The following CLCN7 variants were observed in gnomAD, a reference collection of about 807,000 sequenced individuals.
CLCN7 encodes Cl-/H+ antiporter 7.
CLCN7 carries 60 observed loss-of-function variants against 102.1 expected under a neutral mutation model. The ratio of observed to expected loss-of-function variants is 0.59; its 90% CI spans 0.48 to 0.73. CLCN7 has a LOEUF of 0.73. CLCN7 is among the 30% of genes least tolerant of loss of function. The pLI is 0.00. For synonymous variants in CLCN7, 560 were observed against 490.5 expected, an observed-to-expected ratio of 1.14 and a Z score of -1.87; for missense variants, 962 against 1,125.7, an observed-to-expected ratio of 0.85 and a Z score of 2.08.
chr16:1,462,034 G>A lies in CLCN7; in HGVS notation c.214-360C>T, dbSNP rs1481826034. Among the ~76,000 whole-genome samples the A allele has an allele frequency of 2.6e-5, 4 of 151,550 alleles. No homozygotes were observed. In the South Asian group the frequency reaches 6.3e-4, roughly 24 times the overall value. On this transcript the variant is annotated intron_variant, in intron 2 of 24. Coordinates refer to ENST00000382745, the MANE Select transcript of CLCN7 (RefSeq NM_001287.6). ...CGGGATGCAGAGGTTGCAGTGAGCC[G>A]AGATTGCGCCGTTGCACTCCAGCCT...
chr16:1,465,249 G>T lies in CLCN7; in HGVS notation c.213+18C>A, dbSNP rs760518241. 6.2e-7 allele frequency: 1 copy of T among 1,611,072 alleles called. No individual in the cohort carries two copies. Among genetic ancestry groups the T allele is most frequent in the Non-Finnish European group, 8.5e-7 (1 of 1,178,026 alleles). On this transcript the variant is annotated intron_variant, in intron 2 of 24. Coordinates refer to ENST00000382745, the MANE Select transcript of CLCN7 (RefSeq NM_001287.6). ...TGCAGCTAGCTCTGCGGGAGGACGGGGAACACCCCCAACTCACCGGGTCCA... is the reference window on the plus strand; with the variant it reads ...TGCAGCTAGCTCTGCGGGAGGACGGTGAACACCCCCAACTCACCGGGTCCA...
intron 15 of CLCN7, 119 bp from the exon 16 acceptor site, chr16:1,451,835 A>C (rs957902760): frequency 1.9e-5 from 15 of 784,828 alleles, no homozygotes; most frequent in Non-Finnish European, 2.2e-6. Flanking sequence ...TCAGGCGCGA[A>C]ACCACACGAT....
chr16:1,447,502 C>T lies in CLCN7; in HGVS notation c.2140G>A (p.Ala714Thr), dbSNP rs767382071. ...TGGATGGGTGGGAAGCGCGGGTAGG[C>T]GTCTCGGAAGTCCTTCAGCCTCAGG... ...RRLRLKDFRD[A>T]YPRFPPIQSI... Residue 714 changes from alanine (A) to threonine (T), a missense_variant, in exon 23 of 25, where the codon GCC becomes ACC. Coordinates refer to ENST00000382745, the MANE Select transcript of CLCN7 (RefSeq NM_001287.6). The T allele has an allele frequency of 1.0e-5, 16 of 1,554,088 alleles. No homozygotes were observed. The highest frequency in any genetic ancestry group is 1.9e-5 in the Admixed American group (1 of 51,700).
intron 10 of CLCN7, 120 bp from the exon 11 acceptor site, chr16:1,455,915 GC>G: frequency 8.4e-7 from 1 of 1,186,434 alleles, no homozygotes; most frequent in East Asian, 2.4e-5. Flanking sequence ...AATGGGGTGG[GC>G]CCCAGCCACA....
intron 4 of CLCN7, among the ~76,000 whole-genome samples, 169 bp from the exon 5 acceptor site, chr16:1,461,117 C>T (rs563186765): frequency 5.9e-5 from 9 of 152,326 alleles, no homozygotes; most frequent in South Asian, 2.1e-4. Flanking sequence ...GAGGCGCACC[C>T]GGGGCCCGAG....
intron 15 of CLCN7, chr16:1,452,249 G>C (rs2038763287): frequency 4.3e-6 from 1 of 234,492 alleles, no homozygotes; most frequent in South Asian, 6.1e-5. Context: ...GGCACCCACT[G>C]GTCTGCTGGG....
At chr16:1,464,218 T>C (rs1294666987) in intron 2 of CLCN7, among the ~76,000 whole-genome samples, 1 of 152,198 alleles carries the variant, frequency 6.6e-6, no homozygotes, top group Non-Finnish European at 1.5e-5. Context: ...AGCTCAATTA[T>C]AAAGACAACA....
intron 24 of CLCN7, 90 bp from the exon 25 acceptor site, chr16:1,446,807 A>G: frequency 4.0e-6 from 5 of 1,265,510 alleles, no homozygotes; most frequent in Non-Finnish European, 5.6e-6. Context: ...GGGGCAGCAC[A>G]GGCAGGGGGC....
At chr16:1,458,540 G>A (rs2038875382) in intron 7 of CLCN7, among the ~76,000 whole-genome samples, 1 of 152,190 alleles carries the variant, frequency 6.6e-6, no homozygotes, top group Non-Finnish European at 1.5e-5. Flanking sequence ...CCGCTCCTTG[G>A]CCACGGGGAC....
At chr16:1,452,440 T>G in intron 15 of CLCN7, 2 of 407,274 alleles carry the variant, frequency 4.9e-6, no homozygotes, top group Non-Finnish European at 9.1e-6. Context: ...GAGGTTTGCA[T>G]TTCTCCTGGG....
Position 1,461,588 on chromosome 16 carries a change from C to G in CLCN7, c.285+15G>C, listed in dbSNP as rs1351714914. 5.0e-6 allele frequency: 8 copies of G among 1,613,610 alleles called. No individual in the cohort carries two copies. In the African/African-American group the frequency reaches 5.3e-5, roughly 11 times the overall value. ...AGGCCGGGTCTCAGGGTCAGGGGGACAGAAGGACGCCCACCTCATACTTGA... is the reference window on the plus strand; with the variant it reads ...AGGCCGGGTCTCAGGGTCAGGGGGAGAGAAGGACGCCCACCTCATACTTGA... On this transcript the variant is annotated intron_variant, in intron 3 of 24. Transcript: ENST00000382745.
intron 13 of CLCN7, 66 bp from the exon 14 acceptor site, chr16:1,453,960 C>A: frequency 6.5e-7 from 1 of 1,534,328 alleles, no homozygotes; most frequent in Non-Finnish European, 9.0e-7. Flanking sequence ...CCCGCCGGCT[C>A]CCAGATGGCA....
chr16:1,447,097 G>GGCACA lies in CLCN7; in HGVS notation c.2251-16_2251-12dup, dbSNP rs1567263151. On this transcript the variant is annotated splice_polypyrimidine_tract_variant and intron_variant, in intron 23 of 24. Transcript: ENST00000382745. ...TGGGAGCGACGCCTCCTGCAGCAGG[G>GGCACA]GCACAGCTGTCAGTGCCCGCCCACA... 1 of 1,589,284 alleles carries GGCACA rather than the reference G, an allele frequency of 6.3e-7. No homozygotes were observed. Among genetic ancestry groups the GGCACA allele is most frequent in the African/African-American group, 1.3e-5 (1 of 74,584 alleles).
intron 16 of CLCN7, 67 bp from the exon 17 acceptor site, chr16:1,450,733 T>A: frequency 8.2e-7 from 1 of 1,222,310 alleles, no homozygotes; most frequent in Non-Finnish European, 1.1e-6. Flanking sequence ...CCTGCCCCGC[T>A]GCCCAGTCTC....
intron 7 of CLCN7, 97 bp downstream of exon 7, chr16:1,459,010 G>A: frequency 2.9e-6 from 3 of 1,040,326 alleles, no homozygotes; most frequent in Middle Eastern, 2.6e-4. Context: ...CAGGGTGGCT[G>A]AGGCCAGTTC....
rs1327567550 is a variant in CLCN7, at chr16:1,452,805, A to G, written c.1303T>C (p.Ser435Pro). 6.2e-7 allele frequency: 1 copy of G among 1,606,052 alleles called. No individual in the cohort carries two copies. The change falls in exon 15 of 25, where the codon TCG becomes CCG. Residue 435 changes from serine to proline, a missense_variant. Coordinates refer to ENST00000382745, the MANE Select transcript of CLCN7 (RefSeq NM_001287.6). ...CCCTGCAGGGGCTGGCAATCCCGCG[A>G]CGAGTAGATCAGCACGAAGGCAACT... ...ATVAFVLIYS[S>P]RDCQPLQGGS...
intron 11 of CLCN7, chr16:1,455,528 G>T: frequency 1.5e-6 from 1 of 686,896 alleles, no homozygotes; most frequent in Non-Finnish European, 2.6e-6. Context: ...AGCCACCCAG[G>T]GCTGGCAATG....
chr16:1,464,839 G>A (rs934048442), intron 2 of CLCN7, among the ~76,000 whole-genome samples: 2 of 152,222 alleles, frequency 1.3e-5, no homozygotes, highest in African/African-American at 4.8e-5. Flanking sequence ...CCGAGGGGAA[G>A]GAAGACGAGC....
At chr16:1,461,158 C>T (rs956477086) in intron 4 of CLCN7, among the ~76,000 whole-genome samples, 1 of 152,252 alleles carries the variant, frequency 6.6e-6, no homozygotes, top group Non-Finnish European at 1.5e-5. Flanking sequence ...GAATTCCCAA[C>T]AACTTCACAG....
Sources: allele counts gnomAD v4.1 joint callset (sites outside exome capture counted in the v4.1 genomes callset), GRCh38; gene constraint gnomAD v4.1.1; transcripts MANE v1.5; gene names NCBI Gene and HGNC (gene_info 2026-07-23, HGNC 2026-07-21).